Variants in PTPRS observed in about 807,000 individuals in gnomAD.
The protein encoded by PTPRS is protein tyrosine phosphatase receptor type S.
In PTPRS, 63 loss-of-function variants were observed where a neutral mutation model predicts 215.3. That is an observed-to-expected ratio of 0.29 (90% CI 0.24 to 0.36). PTPRS has a LOEUF of 0.36. PTPRS is among the 10% of genes least tolerant of loss of function. The pLI is 1.00. For missense variants in PTPRS, 2,258 were observed against 2,825.8 expected (o/e 0.80, Z 4.56); for synonymous variants, 1,404 against 1,191.4 (o/e 1.18, Z -3.68).
At chr19:5,313,544 C>T (rs1019271872) in intron 1 of PTPRS, among the ~76,000 whole-genome samples, 4 of 152,156 alleles carry the variant, frequency 2.6e-5, no homozygotes, top group Admixed American at 6.6e-5. Context: ...CCGGGGCCGA[C>T]GGCTGGCACT....
At chr19:5,337,205 C>T (rs1202880536) in intron 1 of PTPRS, among the ~76,000 whole-genome samples, 1 of 152,232 alleles carries the variant, frequency 6.6e-6, no homozygotes, top group Non-Finnish European at 1.5e-5. Flanking sequence ...GTCAATTATC[C>T]CCCAAACCCG....
chr19:5,340,182 GC>G (rs1054300754), intron 1 of PTPRS, among the ~76,000 whole-genome samples: 2 of 150,806 alleles, frequency 1.3e-5, no homozygotes, highest in East Asian at 4.0e-4. Flanking sequence ...GCGCCCGCAT[GC>G]CCCCCATCCC....
At chr19:5,316,607 G>A (rs752430019) in intron 1 of PTPRS, among the ~76,000 whole-genome samples, 12 of 152,156 alleles carry the variant, frequency 7.9e-5, no homozygotes, top group East Asian at 1.9e-4. Flanking sequence ...TGGCCAGGCC[G>A]GTCTCCAACT....
rs779537955 is a variant in PTPRS, at chr19:5,210,429, A to G, written c.5487+40T>C. On this transcript the variant is annotated intron_variant, in intron 35 of 37. Transcript: ENST00000262963. The surrounding 1 kb of genome is among the most constrained non-coding windows in gnomAD (Gnocchi z 4.5). The stretch of plus-strand genomic sequence containing the variant: ...CCAGGGCAGCCCTTTCCAGATCACT[A>G]AGGCTCCAGCCCCTCCCGCCAGTCT... The G allele has an allele frequency of 3.2e-5, 52 of 1,613,160 alleles. No individual in the cohort carries two copies. Among genetic ancestry groups the G allele is most frequent in the African/African-American group, 8.0e-5 (6 of 74,922 alleles).
intron 2 of PTPRS, among the ~76,000 whole-genome samples, chr19:5,275,577 C>T (rs2047296205): frequency 1.3e-5 from 2 of 151,532 alleles, no homozygotes; most frequent in Admixed American, 6.6e-5. Context: ...AGGCTGAGGC[C>T]GGAGGATCAC....
intron 7 of PTPRS, 36 bp from the exon 8 acceptor site, chr19:5,258,163 G>C (rs774954023): frequency 2.6e-6 from 4 of 1,553,438 alleles, no homozygotes; most frequent in Admixed American, 1.7e-5. Context: ...GTCTGTTAGA[G>C]GGGGGCCCAG....
intron 2 of PTPRS, among the ~76,000 whole-genome samples, chr19:5,280,581 C>T (rs951307929): frequency 2.0e-5 from 3 of 152,110 alleles, no homozygotes; most frequent in South Asian, 2.1e-4. Context: ...ATCAGCCAGG[C>T]GTGGTGGCGG....
At chr19:5,290,458 AGG>A (rs1403165520) in intron 1 of PTPRS, among the ~76,000 whole-genome samples, 3 of 152,160 alleles carry the variant, frequency 2.0e-5, no homozygotes, top group Non-Finnish European at 4.4e-5. Flanking sequence ...CATTCCAACC[AGG>A]CGCCGGGGCA....
At chr19:5,274,101 C>T (rs1416505881) in intron 3 of PTPRS, 98 bp downstream of exon 3, 9 of 1,491,910 alleles carry the variant, frequency 6.0e-6, no homozygotes, top group Admixed American at 2.0e-5. Flanking sequence ...GATGCTCCAC[C>T]TGGGGAACGT....
At chr19:5,217,745 G>C (rs533215813) in intron 25 of PTPRS, among the ~76,000 whole-genome samples, 1 of 152,266 alleles carries the variant, frequency 6.6e-6, no homozygotes, top group Admixed American at 6.5e-5. Context: ...CCCATAAGGA[G>C]AATAGCAGCC....
intron 1 of PTPRS, among the ~76,000 whole-genome samples, chr19:5,320,311 G>T (rs11880838): frequency 6.6e-6 from 1 of 152,046 alleles, no homozygotes; most frequent in Non-Finnish European, 1.5e-5. Flanking sequence ...GGGAGAGGGG[G>T]TACACGGACC....
chr19:5,257,374 C>G lies in PTPRS; in HGVS notation c.706+643G>C. The G allele has an allele frequency of 2.2e-6, 1 of 455,310 alleles. No individual in the cohort carries two copies. Among genetic ancestry groups the G allele is most frequent in the South Asian group, 1.6e-5 (1 of 64,408 alleles). 28.2% of individuals were successfully genotyped at this position (455,310 alleles called of 1,614,324 possible). On this transcript the variant is annotated intron_variant, in intron 8 of 37. Coordinates refer to ENST00000262963, the MANE Select transcript of PTPRS (RefSeq NM_002850.4). This position sits in a 1 kb window ranked among gnomAD's most constrained non-coding sequence, Gnocchi z 4.4. ...CCAGCTCGGTGCAACTACCGAGCCC[C>G]CCGGGTGCCTGTGCCCGCTGTGGCT...
intron 1 of PTPRS, among the ~76,000 whole-genome samples, chr19:5,336,028 A>G (rs7260404): frequency 0.11 from 17,299 of 151,014 alleles, 1,375 homozygotes; most frequent in African/African-American, 0.23. Context: ...AAAAAAAAAA[A>G]AGAGAGAGAC....
rs150998094 is a variant in PTPRS, at chr19:5,305,746, A to AATATAT, written c.-94-19518_-94-19513dup. ...CCCGTCTCTGAAAAATAAATAAATA[A>AATATAT]ATATATATATATATATATATTTTTT... On this transcript the variant is annotated intron_variant, in intron 1 of 37. Coordinates refer to ENST00000262963, the MANE Select transcript of PTPRS (RefSeq NM_002850.4). Among the ~76,000 whole-genome samples, 735 of 105,708 alleles carry AATATAT rather than the reference A, an allele frequency of 7.0e-3. 6 individuals carry two copies. Among genetic ancestry groups the AATATAT allele is most frequent in the Non-Finnish European group, 0.01 (549 of 53,636 alleles). 69.3% of individuals were successfully genotyped at this position (105,708 alleles called of 152,430 possible). A position where few individuals can be genotyped will look rare whatever the true frequency, so the allele number is the denominator to read the frequency against.
chr19:5,330,516 C>T (rs2050290003), intron 1 of PTPRS, among the ~76,000 whole-genome samples: 1 of 152,182 alleles, frequency 6.6e-6, no homozygotes, highest in South Asian at 2.1e-4. Flanking sequence ...ACCTCATCAC[C>T]CCTAACGGTT....
chr19:5,208,489 G>A, intron 35 of PTPRS, 98 bp from the exon 36 acceptor site: 1 of 1,256,794 alleles, frequency 8.0e-7, no homozygotes, highest in South Asian at 1.9e-5. Flanking sequence ...TTGTTTGTTT[G>A]TTTGTTTTTG....
At chr19:5,308,058 A>G (rs1368965832) in intron 1 of PTPRS, among the ~76,000 whole-genome samples, 2 of 152,130 alleles carry the variant, frequency 1.3e-5, no homozygotes, top group Admixed American at 1.3e-4. Flanking sequence ...GAGAGAGGGG[A>G]GAGGATCTGG....
chr19:5,208,359 C>G lies in PTPRS; in HGVS notation c.5520G>C (p.Gln1840His). The change falls in exon 36 of 38, where the codon CAG becomes CAC. Residue 1840 changes from glutamine to histidine, a missense_variant. Gln to His is a conservative substitution (Grantham distance 24, BLOSUM62 0). Coordinates refer to ENST00000262963, the MANE Select transcript of PTPRS (RefSeq NM_002850.4). ...CACCCTGTTCCGGCCAGTCTGTGAA[C>G]TGGAACTGCCGGACAGTCCGGGACT... ...DGQSRTVRQF[Q>H]FTDWPEQGVP... 6.2e-7 allele frequency: 1 copy of G among 1,612,586 alleles called. No individual in the cohort carries two copies. The highest frequency in any genetic ancestry group is 1.1e-5 in the South Asian group (1 of 90,760).
intron 1 of PTPRS, among the ~76,000 whole-genome samples, chr19:5,317,734 T>A (rs977692841): frequency 6.8e-4 from 104 of 152,206 alleles, no homozygotes; most frequent in African/African-American, 2.5e-3. Context: ...GTGGGGTGTG[T>A]GGCCCACCTA....
Sources: allele counts gnomAD v4.1 joint callset (sites outside exome capture counted in the v4.1 genomes callset), GRCh38; gene constraint gnomAD v4.1.1; non-coding constraint Gnocchi (gnomAD v3.1); transcripts MANE v1.5; gene names NCBI Gene and HGNC (gene_info 2026-07-23, HGNC 2026-07-21).